DCAF6: variants seen among roughly 807,000 people sequenced by gnomAD.
The protein encoded by DCAF6 is DDB1 and CUL4 associated factor 6, also known as DDB1- and CUL4-associated factor 6.
A neutral mutation model predicts 125.1 loss-of-function variants in DCAF6; 54 were observed. That is an observed-to-expected ratio of 0.43 (90% CI 0.35 to 0.54). The LOEUF is 0.54. Ranked by LOEUF, DCAF6 falls within the 20% of genes least tolerant of loss-of-function variation. The pLI, the probability that DCAF6 is intolerant of heterozygous loss-of-function variation, is 0.01. For synonymous variants in DCAF6, 371 were observed against 390.4 expected, an observed-to-expected ratio of 0.95 and a Z score of 0.58; for missense variants, 934 against 1,161.7, an observed-to-expected ratio of 0.80 and a Z score of 2.85.
rs530068449 is a variant in DCAF6 at position 168,011,208 on chromosome 1, C to T, written c.1379-4573C>T. ...CTCGGCTCACTGCAACCTCTGCCCC[C>T]GGGTTCAAGTGATTCCCCTGCCTCA... is the stretch of plus-strand genomic sequence containing the variant. On this transcript the variant is annotated intron_variant, in intron 10 of 21. Transcript: ENST00000367840. Among the ~76,000 whole-genome samples, 5 of 151,510 alleles carry T rather than the reference C, an allele frequency of 3.3e-5. No homozygotes were observed. In the East Asian group the frequency reaches 5.8e-4, roughly 18 times the overall value.
the DCAF6 span, among the ~76,000 whole-genome samples, chr1:167,925,474 T>TAG: frequency 6.2e-5 from 6 of 96,832 alleles, no homozygotes; most frequent in South Asian, 1.8e-3. Context: ...TATATATATA[T>TAG]ACATATACAT....
the DCAF6 span, among the ~76,000 whole-genome samples, chr1:167,868,838 C>G: frequency 2.0e-5 from 3 of 152,280 alleles, no homozygotes; most frequent in Admixed American, 2.0e-4. Flanking sequence ...GTATACCAGA[C>G]CCCCATTTAC....
At chr1:168,029,346 A>G (rs1686753860) in intron 12 of DCAF6, among the ~76,000 whole-genome samples, 1 of 152,254 alleles carries the variant, frequency 6.6e-6, no homozygotes, top group South Asian at 2.1e-4. Flanking sequence ...ATATGTAAAG[A>G]TGAGTGAAAT....
At chr1:168,034,617 AT>A (rs1201354175) in intron 12 of DCAF6, among the ~76,000 whole-genome samples, 2 of 152,174 alleles carry the variant, frequency 1.3e-5, no homozygotes, top group East Asian at 1.9e-4. Flanking sequence ...GATTACAAAG[AT>A]TTTTTTAAAG....
intron 12 of DCAF6, among the ~76,000 whole-genome samples, chr1:168,029,808 G>T (rs948128673): frequency 6.6e-6 from 1 of 151,886 alleles, no homozygotes; most frequent in Non-Finnish European, 1.5e-5. Flanking sequence ...GTGAAACCCC[G>T]TCTCTATGAA....
At chr1:167,983,299 G>A (rs1457329533) in intron 4 of DCAF6, among the ~76,000 whole-genome samples, 3 of 152,216 alleles carry the variant, frequency 2.0e-5, no homozygotes, top group African/African-American at 4.8e-5. Flanking sequence ...CCGTGAGCAT[G>A]AAATAAATGG....
the DCAF6 span, chr1:167,883,452 G>A: frequency 6.2e-7 from 1 of 1,614,216 alleles, no homozygotes; most frequent in Non-Finnish European, 8.5e-7. Flanking sequence ...CAAACATGAA[G>A]ACTTTATTGA....
chr1:168,026,501 C>G (rs2103269467), intron 12 of DCAF6, among the ~76,000 whole-genome samples: 1 of 152,094 alleles, frequency 6.6e-6, no homozygotes, highest in Non-Finnish European at 1.5e-5. Flanking sequence ...TATGAGGGAT[C>G]CAACCTAAGG....
the DCAF6 span, among the ~76,000 whole-genome samples, chr1:167,879,043 T>C: frequency 6.6e-6 from 1 of 152,226 alleles, no homozygotes; most frequent in African/African-American, 2.4e-5. Flanking sequence ...TGTGTCTGCA[T>C]GCTCCTATGA....
In DCAF6 at chr1:168,056,272, G is replaced by A. The variant is rs552329569; in HGVS notation, c.2300+5339G>A. On this transcript the variant is annotated intron_variant, in intron 17 of 21. Coordinates refer to ENST00000367840, the MANE Select transcript of DCAF6 (RefSeq NM_001198956.2). The stretch of plus-strand genomic sequence containing the variant: ...CATTCGTGTTTCTCTGTGAATTTAC[G>A]CACCGAGAGCAGAGCGGGTCCAGTG... The A allele has an allele frequency of 5.0e-5, 80 of 1,610,656 alleles. 1 individual carries two copies. In the African/African-American group the frequency reaches 6.0e-4, roughly 12 times the overall value.
At chr1:168,063,311 A>G (rs1175821885) in intron 17 of DCAF6, among the ~76,000 whole-genome samples, 1 of 152,200 alleles carries the variant, frequency 6.6e-6, no homozygotes, top group Non-Finnish European at 1.5e-5. Context: ...AAAATTGCAC[A>G]TGAATTTTGT....
the DCAF6 span, among the ~76,000 whole-genome samples, chr1:167,892,341 A>G: frequency 6.6e-6 from 1 of 152,190 alleles, no homozygotes; most frequent in Non-Finnish European, 1.5e-5. Flanking sequence ...TTGGCTTGGA[A>G]AAGAGGACTA....
intron 4 of DCAF6, among the ~76,000 whole-genome samples, chr1:167,977,948 C>A (rs2102917144): frequency 6.6e-6 from 1 of 152,114 alleles, no homozygotes; most frequent in African/African-American, 2.4e-5. Context: ...TTTTCTAATA[C>A]CCCTGTTTTT....
chr1:167,868,270 C>T, the DCAF6 span, among the ~76,000 whole-genome samples: 8 of 152,112 alleles, frequency 5.3e-5, no homozygotes, highest in African/African-American at 1.4e-4. Context: ...ATAAGAAGCC[C>T]GAGAATTAGT....
At chr1:167,942,563 G>A (rs903558265) in intron 1 of DCAF6, among the ~76,000 whole-genome samples, 2 of 151,900 alleles carry the variant, frequency 1.3e-5, no homozygotes, top group East Asian at 1.9e-4. Flanking sequence ...TTCTTAACAG[G>A]TTCTTTTATA....
chr1:167,976,114 T>G (rs556318405), intron 4 of DCAF6, among the ~76,000 whole-genome samples: 35 of 152,306 alleles, frequency 2.3e-4, no homozygotes, highest in Non-Finnish European at 5.1e-4. Context: ...TTCTATCCCT[T>G]TGTTTTCTAC....
Position 168,050,892 on chromosome 1 carries a change from A to G in DCAF6, c.2259A>G (p.Arg753=). Residue 753 remains arginine, a splice_region_variant and synonymous_variant, in exon 17 of 22, where the codon AGA becomes AGG. Transcript: ENST00000367840. The part of the protein sequence containing the change: ...GARYRAGPGD[R]FNIRGTTIGD... The stretch of plus-strand genomic sequence containing the variant: ...TCAGTTATTGTGTTCCCTTCACTAG[A>G]TTTAATATCAGAGGAACAACAATAG... The G allele has an allele frequency of 2.2e-6, 3 of 1,368,718 alleles. No individual in the cohort carries two copies. The highest frequency in any genetic ancestry group is 2.9e-6 in the Non-Finnish European group (3 of 1,034,334). The allele number at this position is 1,368,718 out of a possible 1,614,324, so 84.8% of individuals were successfully genotyped here.
the DCAF6 span, among the ~76,000 whole-genome samples, chr1:167,897,303 A>G: frequency 6.7e-6 from 1 of 149,964 alleles, no homozygotes; most frequent in African/African-American, 2.5e-5. Context: ...CTGGGTAACA[A>G]TGGTGAAATC....
chr1:167,945,524 C>T (rs529365092), intron 1 of DCAF6, among the ~76,000 whole-genome samples: 1 of 152,216 alleles, frequency 6.6e-6, no homozygotes, highest in East Asian at 1.9e-4. Context: ...CGGAGTCTCA[C>T]TCTGTCACCC....
Sources: gnomAD v4.1 joint callset for allele counts (sites outside exome capture counted in the v4.1 genomes callset) on GRCh38, gnomAD v4.1.1 for gene constraint, MANE v1.5 for transcripts, NCBI Gene and HGNC (gene_info 2026-07-23, HGNC 2026-07-21) for gene names.